DSE: variants seen among roughly 807,000 people sequenced by gnomAD.
DSE encodes the protein dermatan-sulfate epimerase.
Under a neutral mutation model 84.4 loss-of-function variants are expected in DSE, and 36 were observed. The ratio of observed to expected loss-of-function variants is 0.43; its 90% CI spans 0.33 to 0.56. DSE has a LOEUF of 0.56. DSE is among the 20% of genes least tolerant of loss of function. DSE has a pLI of 0.06. For synonymous variants in DSE, 410 were observed against 430.1 expected, an observed-to-expected ratio of 0.95 and a Z score of 0.58; for missense variants, 862 against 1,169.6, an observed-to-expected ratio of 0.74 and a Z score of 3.84.
intron 2 of DSE, among the ~76,000 whole-genome samples, chr6:116,409,429 C>A (rs2115019532): frequency 6.6e-6 from 1 of 152,278 alleles, no homozygotes; most frequent in South Asian, 2.1e-4. Flanking sequence ...AGGTGCCCAC[C>A]ACCACGCCTG....
chr6:116,309,075 T>G (rs1184065646), intron 2 of DSE, among the ~76,000 whole-genome samples: 1 of 151,922 alleles, frequency 6.6e-6, no homozygotes, highest in African/African-American at 2.4e-5. Context: ...ACTAAAAGTT[T>G]TTATTTTGTT....
intron 1 of DSE, among the ~76,000 whole-genome samples, chr6:116,373,815 A>G (rs981147757): frequency 2.6e-5 from 4 of 152,166 alleles, no homozygotes; most frequent in African/African-American, 4.8e-5. Context: ...TAAAATATTT[A>G]TACATTTCTT....
rs539658171 is a variant in DSE at position 116,336,571 on chromosome 6, C to T, written c.-53-62627C>T. 1.5e-3 allele frequency among the ~76,000 whole-genome samples: 226 copies of T among 152,236 alleles called. 1 individual carries two copies. Among genetic ancestry groups the T allele is most frequent in the African/African-American group, 5.0e-3 (206 of 41,538 alleles). On this transcript the variant is annotated intron_variant, in intron 2 of 3. Transcript: ENST00000430252. ...GGGAGTTCAAGACCAGCCTGACCAA[C>T]ATGCAGAAAACCCGTCTCTACTGAA... is the stretch of plus-strand genomic sequence containing the variant.
At chr6:116,276,233 T>G (rs1183697565) in intron 2 of DSE, among the ~76,000 whole-genome samples, 1 of 152,100 alleles carries the variant, frequency 6.6e-6, no homozygotes, top group Non-Finnish European at 1.5e-5. Context: ...AAAGGAAGTT[T>G]TTACAGATGA....
chr6:116,260,291 A>G (rs1383073791), intron 2 of DSE, among the ~76,000 whole-genome samples: 2 of 152,112 alleles, frequency 1.3e-5, no homozygotes, highest in Middle Eastern at 3.2e-3. Flanking sequence ...TCTTTCTTAG[A>G]AAAATATCTG....
chr6:116,437,012 AC>A lies in DSE; in HGVS notation c.2547del (p.Ile850Ter). The A allele has an allele frequency of 3.7e-6, 6 of 1,614,108 alleles. No individual in the cohort carries two copies. Among genetic ancestry groups the A allele is most frequent in the Non-Finnish European group, 5.1e-6 (6 of 1,180,006 alleles). On this transcript the variant is annotated frameshift_variant, in exon 6 of 6. Coordinates refer to ENST00000644252, the MANE Select transcript of DSE (RefSeq NM_013352.4). LOFTEE classifies it high-confidence loss of function. ...KAQILAQKEL[P>X]IDEDEEMKDL... ...CTCAGATTTTGGCACAGAAAGAACT[AC>A]CCATAGATGAAGATGAAGAAATGAA...
In DSE at chr6:116,435,815, G is replaced by A; in HGVS notation, c.1347G>A (p.Gly449=). Residue 449 remains glycine, a synonymous_variant, in exon 6 of 6, where the codon GGG becomes GGA. Coordinates refer to ENST00000644252, the MANE Select transcript of DSE (RefSeq NM_013352.4). ...WIKGWRNFNA[G]HEHPDQNSFT... ...AAGGATGGAGAAATTTTAATGCAGG[G>A]CATGAACATCCTGATCAAAACTCAT... The A allele has an allele frequency of 6.2e-7, 1 of 1,614,094 alleles. No homozygotes were observed. Among genetic ancestry groups the A allele is most frequent in the Non-Finnish European group, 8.5e-7 (1 of 1,180,008 alleles).
At chr6:116,309,050 T>A (rs1028279115) in intron 2 of DSE, among the ~76,000 whole-genome samples, 1 of 152,212 alleles carries the variant, frequency 6.6e-6, no homozygotes, top group African/African-American at 2.4e-5. Flanking sequence ...AAATTTCTAA[T>A]TGATTATTAC....
chr6:116,275,276 A>G (rs1054877663), intron 2 of DSE, among the ~76,000 whole-genome samples: 1 of 152,222 alleles, frequency 6.6e-6, no homozygotes, highest in African/African-American at 2.4e-5. Context: ...AAGGTAACCC[A>G]AAATTAAGTA....
At position 116,440,033 on chromosome 6, in the gene DSE, G is replaced by C. The variant is rs927908522; in HGVS notation, c.*2688G>C. The stretch of plus-strand genomic sequence containing the variant: ...AGATGAGACCTATGGTGGTGGATGA[G>C]ACCCAGAATTTTCAGAGAGAACATT... On this transcript the variant is annotated 3_prime_UTR_variant, in exon 6 of 6. Transcript: ENST00000644252. The C allele has an allele frequency of 6.6e-6, 1 of 151,606 alleles. No homozygotes were observed. The highest frequency in any genetic ancestry group is 2.4e-5 in the African/African-American group (1 of 41,210). 9.4% of individuals were successfully genotyped at this position (151,606 alleles called of 1,614,324 possible). A position where few individuals can be genotyped will look rare whatever the true frequency, so the allele number is the denominator to read the frequency against.
At chr6:116,309,697 C>T (rs7757295) in intron 2 of DSE, among the ~76,000 whole-genome samples, 148,950 of 152,334 alleles carry the variant, frequency 0.98, 72,921 homozygotes, top group East Asian at 1. Context: ...CCAGTGAAGA[C>T]GTGGCCTTGA....
At chr6:116,316,652 C>T (rs1306255288) in intron 2 of DSE, among the ~76,000 whole-genome samples, 3 of 151,732 alleles carry the variant, frequency 2.0e-5, no homozygotes, top group Admixed American at 1.3e-4. Flanking sequence ...GGACTTGGTG[C>T]GGAATGACCT....
At chr6:116,259,315 T>C in intron 2 of DSE, 1 of 492,114 alleles carries the variant, frequency 2.0e-6, no homozygotes, top group Non-Finnish European at 3.7e-6. Flanking sequence ...GTTATACCTG[T>C]AGACTTACCA....
At chr6:116,435,488 T>G in intron 5 of DSE, 99 bp from the exon 6 acceptor site, 1 of 1,235,794 alleles carries the variant, frequency 8.1e-7, no homozygotes, top group Non-Finnish European at 1.1e-6. Context: ...CTGCCAGTGC[T>G]CTGGGTAGCA....
At chr6:116,430,199 C>A (rs1783733937) in intron 3 of DSE, among the ~76,000 whole-genome samples, 2 of 152,204 alleles carry the variant, frequency 1.3e-5, no homozygotes, top group African/African-American at 4.8e-5. Flanking sequence ...GTTTCTCAGC[C>A]CCACTGTGCT....
At chr6:116,388,852 A>T (rs915563669) in intron 1 of DSE, among the ~76,000 whole-genome samples, 3 of 151,968 alleles carry the variant, frequency 2.0e-5, no homozygotes, top group African/African-American at 4.8e-5. Context: ...TTTTCCTCAG[A>T]TCTGTTTGGT....
At chr6:116,381,815 A>G (rs1190794779) in intron 1 of DSE, among the ~76,000 whole-genome samples, 1 of 152,204 alleles carries the variant, frequency 6.6e-6, no homozygotes, top group Non-Finnish European at 1.5e-5. Context: ...GTAACAAAGT[A>G]CTGCAGACAA....
In DSE at chr6:116,399,965, T is replaced by G. The variant is rs78163146; in HGVS notation, c.416+299T>G. ...ATTGCTGAGAATTCTTTCTTCCATA[T>G]TCAGCATGTATATATTACTATCATC... is the stretch of plus-strand genomic sequence containing the variant. On this transcript the variant is annotated intron_variant, in intron 2 of 5. Coordinates refer to ENST00000644252, the MANE Select transcript of DSE (RefSeq NM_013352.4). 452 of 342,930 alleles carry G rather than the reference T, an allele frequency of 1.3e-3. 7 individuals carry two copies. The East Asian group carries it at 0.021, about 16-fold the overall frequency. The allele number at this position is 342,930 out of a possible 1,614,324, so 21.2% of individuals were successfully genotyped here. A position where few individuals can be genotyped will look rare whatever the true frequency, so the allele number is the denominator to read the frequency against.
At chr6:116,277,698 T>C (rs1196573476) in intron 2 of DSE, 12 of 152,050 alleles carry the variant, frequency 7.9e-5, no homozygotes, top group Admixed American at 7.9e-4. Flanking sequence ...AGATCGGGGT[T>C]CGAGACCAGC....
Sources: allele counts gnomAD v4.1 joint callset (sites outside exome capture counted in the v4.1 genomes callset), GRCh38; gene constraint gnomAD v4.1.1; transcripts MANE v1.5; gene names NCBI Gene and HGNC (gene_info 2026-07-23, HGNC 2026-07-21).